PLEKHB2: variants seen among roughly 807,000 people sequenced by gnomAD.
PLEKHB2 encodes pleckstrin homology domain containing B2, also known as pleckstrin homology domain-containing family B member 2.
In PLEKHB2, 31 loss-of-function variants were observed where a neutral mutation model predicts 36.5. The ratio of observed to expected loss-of-function variants is 0.85; its 90% CI spans 0.64 to 1.15. PLEKHB2 has a LOEUF of 1.15. Among genes scored for constraint, PLEKHB2 ranks in the 50% most tolerant of loss-of-function variants. The pLI is 0.00. For missense variants in PLEKHB2, 262 were observed against 295.3 expected (o/e 0.89, Z 0.83); for synonymous variants, 119 against 112.0 (o/e 1.06, Z -0.39).
intron 1 of PLEKHB2, among the ~76,000 whole-genome samples, chr2:131,118,314 T>C (rs1696093796): frequency 6.6e-6 from 1 of 152,112 alleles, no homozygotes; most frequent in Non-Finnish European, 1.5e-5. Context: ...TTTCGTTTCT[T>C]GGTAAGGACA....
At chr2:131,106,072 T>G (rs1694696599) in intron 1 of PLEKHB2, among the ~76,000 whole-genome samples, 1 of 152,246 alleles carries the variant, frequency 6.6e-6, no homozygotes, top group Non-Finnish European at 1.5e-5. Context: ...TACATATCTC[T>G]CTTCATGTTT....
intron 7 of PLEKHB2, 60 bp downstream of exon 7, chr2:131,140,335 A>G (rs542850192): frequency 4.6e-6 from 4 of 862,142 alleles, no homozygotes; most frequent in Non-Finnish European, 7.6e-6. Context: ...GACCAGAGAG[A>G]CCTGTAAACG....
intron 6 of PLEKHB2, among the ~76,000 whole-genome samples, chr2:131,138,061 G>A (rs1442680070): frequency 8.2e-6 from 1 of 122,574 alleles, no homozygotes; most frequent in East Asian, 2.3e-4. Flanking sequence ...TTCCTCTGTT[G>A]TGCTCTGATT....
At chr2:131,141,589 G>A (rs1208626672) in intron 7 of PLEKHB2, among the ~76,000 whole-genome samples, 3 of 143,040 alleles carry the variant, frequency 2.1e-5, no homozygotes, top group South Asian at 2.1e-4. Context: ...GCAGTGAGCC[G>A]ACATCGTGTC....
chr2:131,138,517 C>A (rs746506966), intron 6 of PLEKHB2, among the ~76,000 whole-genome samples: 7 of 152,124 alleles, frequency 4.6e-5, no homozygotes, highest in Non-Finnish European at 8.8e-5. Flanking sequence ...TTTTAGCAGA[C>A]CTCCTTCTGG....
chr2:131,114,197 C>T (rs1695614081), intron 1 of PLEKHB2, among the ~76,000 whole-genome samples: 1 of 152,156 alleles, frequency 6.6e-6, no homozygotes, highest in Admixed American at 6.6e-5. Flanking sequence ...GTGATCTCAG[C>T]TCACTGCAAG....
At chr2:131,128,078 C>T (rs2104880900) in intron 4 of PLEKHB2, among the ~76,000 whole-genome samples, 1 of 152,314 alleles carries the variant, frequency 6.6e-6, no homozygotes, top group African/African-American at 2.4e-5. Flanking sequence ...GAAGAAATGT[C>T]CTTCTCTTCT....
At chr2:131,137,359 C>T (rs540090330) in intron 6 of PLEKHB2, among the ~76,000 whole-genome samples, 26 of 152,336 alleles carry the variant, frequency 1.7e-4, no homozygotes, top group Admixed American at 1.3e-3. Flanking sequence ...GCCCCTCCTG[C>T]GCTTGCACAT....
At chr2:131,112,070 T>A (rs1204184014) in intron 1 of PLEKHB2, among the ~76,000 whole-genome samples, 2 of 152,208 alleles carry the variant, frequency 1.3e-5, no homozygotes, top group Non-Finnish European at 2.9e-5. Flanking sequence ...GGATGGGAGC[T>A]GGTCATCTGA....
At chr2:131,105,565 C>T (rs1314192137) in intron 1 of PLEKHB2, among the ~76,000 whole-genome samples, 167 bp downstream of exon 1, 1 of 152,118 alleles carries the variant, frequency 6.6e-6, no homozygotes, top group Non-Finnish European at 1.5e-5. Flanking sequence ...AGGCTCCTGG[C>T]CACGGGTCCG....
At chr2:131,140,997 G>T (rs893032869) in intron 7 of PLEKHB2, among the ~76,000 whole-genome samples, 2 of 152,192 alleles carry the variant, frequency 1.3e-5, no homozygotes, top group African/African-American at 4.8e-5. Flanking sequence ...GGAATGTGGG[G>T]GTTTGCAGGA....
rs766444869 is a variant in PLEKHB2 at position 131,130,752 on chromosome 2, A to G, written c.325A>G (p.Thr109Ala). 1.5e-5 allele frequency: 24 copies of G among 1,611,224 alleles called. No homozygotes were observed. The East Asian group carries it at 5.1e-4, about 34-fold the overall frequency. The part of the protein sequence containing the change: ...AWKFTLQDSR[T>A]NTAYVGSAVM... ...GAAATTTACACTCCAAGATTCTAGGACAAACACAGTAAGTTGCTAATGGCA... is the reference window on the plus strand; with the variant it reads ...GAAATTTACACTCCAAGATTCTAGGGCAAACACAGTAAGTTGCTAATGGCA... Residue 109 changes from threonine to alanine, a missense_variant, in exon 5 of 8, where the codon ACA (threonine) becomes GCA (alanine). Physicochemically the swap from Thr to Ala is moderately conservative, Grantham distance 58. Transcript: ENST00000693505.
At chr2:131,114,791 T>C (rs1695684791) in intron 1 of PLEKHB2, among the ~76,000 whole-genome samples, 1 of 152,166 alleles carries the variant, frequency 6.6e-6, no homozygotes, top group Non-Finnish European at 1.5e-5. Flanking sequence ...TCCATATCAC[T>C]ATCAGCATTT....
intron 5 of PLEKHB2, among the ~76,000 whole-genome samples, chr2:131,132,406 G>T (rs1403003750): frequency 6.6e-6 from 1 of 151,904 alleles, no homozygotes; most frequent in Non-Finnish European, 1.5e-5. Flanking sequence ...TCCTGGGCTC[G>T]AGTGATCCTT....
chr2:131,139,095 C>G (rs533339038), intron 6 of PLEKHB2, among the ~76,000 whole-genome samples: 9 of 152,318 alleles, frequency 5.9e-5, no homozygotes, highest in Admixed American at 4.6e-4. Context: ...AATGTTCTGT[C>G]TTGCTAGGTT....
intron 1 of PLEKHB2, among the ~76,000 whole-genome samples, chr2:131,106,234 A>G (rs1342857013): frequency 6.6e-6 from 1 of 152,194 alleles, no homozygotes; most frequent in Non-Finnish European, 1.5e-5. Context: ...AAAAAATTAA[A>G]GGAACATGGT....
At chr2:131,134,013 C>A (rs1183281647) in intron 6 of PLEKHB2, among the ~76,000 whole-genome samples, 2 of 151,544 alleles carry the variant, frequency 1.3e-5, no homozygotes, top group African/African-American at 4.9e-5. Flanking sequence ...CATTCTCCTG[C>A]CTCAGCCTCC....
intron 1 of PLEKHB2, among the ~76,000 whole-genome samples, chr2:131,117,078 T>C (rs1004891003): frequency 3.3e-5 from 5 of 151,734 alleles, no homozygotes; most frequent in Non-Finnish European, 7.4e-5. Flanking sequence ...GCCTAGATAG[T>C]GCCATTGCAC....
chr2:131,108,616 A>T (rs1461296857), intron 1 of PLEKHB2, among the ~76,000 whole-genome samples: 2 of 152,224 alleles, frequency 1.3e-5, no homozygotes, highest in Non-Finnish European at 2.9e-5. Context: ...ATGATAGCTG[A>T]TGCACTAAAA....
Sources: gnomAD v4.1 joint callset for allele counts (sites outside exome capture counted in the v4.1 genomes callset) on GRCh38, gnomAD v4.1.1 for gene constraint, MANE v1.5 for transcripts, NCBI Gene and HGNC (gene_info 2026-07-23, HGNC 2026-07-21) for gene names.